Variants in WFDC11 observed in about 807,000 individuals in gnomAD.
WFDC11 encodes WAP four-disulfide core domain 11.
WFDC11 carries 9 observed loss-of-function variants against 9.9 expected under a neutral mutation model. The observed-to-expected ratio is 0.91, with a 90% confidence interval of 0.55 to 1.58. The LOEUF (loss-of-function observed/expected upper bound fraction) is 1.58. Among genes scored for constraint, WFDC11 ranks in the 40% most tolerant of loss-of-function variants. WFDC11 has a pLI of 0.00. For synonymous variants in WFDC11, 32 were observed against 33.3 expected (o/e 0.96, Z 0.13); for missense variants, 106 against 101.7 (o/e 1.04, Z -0.18).
At chr20:45,660,562 C>T (rs1247029424) in intron 2 of WFDC11, among the ~76,000 whole-genome samples, 3 of 152,116 alleles carry the variant, frequency 2.0e-5, no homozygotes, top group Non-Finnish European at 2.9e-5. Flanking sequence ...CTATCCCTCC[C>T]GCCTCTCCCC....
chr20:45,663,014 C>T (rs774190506), intron 2 of WFDC11, among the ~76,000 whole-genome samples: 2 of 152,140 alleles, frequency 1.3e-5, no homozygotes, highest in South Asian at 2.1e-4. Flanking sequence ...CCTCTTTGTA[C>T]CTCTGGTAGA....
intron 3 of WFDC11, among the ~76,000 whole-genome samples, chr20:45,649,617 C>G (rs1213266598): frequency 6.6e-6 from 1 of 152,212 alleles, no homozygotes; most frequent in Non-Finnish European, 1.5e-5. Context: ...GACTTCTTTT[C>G]CTTCTCGACC....
intron 1 of WFDC11, among the ~76,000 whole-genome samples, chr20:45,667,903 G>C (rs923987936): frequency 6.6e-6 from 1 of 152,338 alleles, no homozygotes; most frequent in Non-Finnish European, 1.5e-5. Flanking sequence ...GAATCACCCA[G>C]TTGGACACCA....
At chr20:45,657,984 A>G (rs1053619254) in intron 2 of WFDC11, among the ~76,000 whole-genome samples, 1 of 152,184 alleles carries the variant, frequency 6.6e-6, no homozygotes, top group South Asian at 2.1e-4. Flanking sequence ...ATAAATATAG[A>G]TTTTTTATAA....
At chr20:45,651,158 C>G (rs1191439070) in intron 2 of WFDC11, among the ~76,000 whole-genome samples, 1 of 152,194 alleles carries the variant, frequency 6.6e-6, no homozygotes, top group Non-Finnish European at 1.5e-5. Flanking sequence ...TAAGTGAGAA[C>G]ATGCAGTATT....
At chr20:45,665,470 C>G (rs1242654835) in intron 2 of WFDC11, among the ~76,000 whole-genome samples, 2 of 152,208 alleles carry the variant, frequency 1.3e-5, no homozygotes, top group Admixed American at 1.3e-4. Flanking sequence ...TGCCGAGGAG[C>G]TGCGATCATT....
chr20:45,660,539 A>G (rs963806366), intron 2 of WFDC11, among the ~76,000 whole-genome samples: 2 of 152,118 alleles, frequency 1.3e-5, no homozygotes, highest in Admixed American at 6.6e-5. Context: ...AGCATTAGGT[A>G]TATCTCCCAA....
intron 3 of WFDC11, 29 bp from the exon 4 acceptor site, chr20:45,649,428 T>A (rs1982754410): frequency 1.2e-6 from 2 of 1,610,244 alleles, no homozygotes; most frequent in South Asian, 2.2e-5. Context: ...GGTCAAAGGT[T>A]GATGGTATGT....
chr20:45,650,445 G>T, intron 3 of WFDC11, 56 bp downstream of exon 3: 1 of 1,448,110 alleles, frequency 6.9e-7, no homozygotes, highest in South Asian at 1.2e-5. Flanking sequence ...CCCCTCCCTT[G>T]TTCAGAAACA....
At position 45,661,454 on chromosome 20, in the gene WFDC11, G is replaced by T. The variant is rs577348077; in HGVS notation, c.-52+5634C>A. On this transcript the variant is annotated intron_variant, in intron 2 of 4. Coordinates refer to ENST00000324384, the MANE Select transcript of WFDC11 (RefSeq NM_147197.2). ...CCATTTGTCAATTTTGGCTTTTGTT[G>T]CCATTGCTTTTGGCGTTTTAGACAT... Among the ~76,000 whole-genome samples, 157 of 152,078 alleles carry T rather than the reference G, an allele frequency of 1.0e-3. 1 individual carries two copies. Among genetic ancestry groups the T allele is most frequent in the African/African-American group, 3.2e-3 (132 of 41,508 alleles).
At chr20:45,667,734 T>G (rs1004623093) in intron 1 of WFDC11, among the ~76,000 whole-genome samples, 2 of 152,230 alleles carry the variant, frequency 1.3e-5, no homozygotes, top group Non-Finnish European at 2.9e-5. Flanking sequence ...CTCAATTTCC[T>G]CATTTTTAAA....
At chr20:45,660,750 C>G (rs983537243) in intron 2 of WFDC11, among the ~76,000 whole-genome samples, 2 of 152,140 alleles carry the variant, frequency 1.3e-5, no homozygotes, top group African/African-American at 2.4e-5. Flanking sequence ...ATGAACTCAC[C>G]ATTTTTTATG....
Position 45,649,362 on chromosome 20 carries a change from T to C in WFDC11, c.138A>G (p.Pro46=). 1 of 1,614,196 alleles carries C rather than the reference T, an allele frequency of 6.2e-7. No individual in the cohort carries two copies. Among genetic ancestry groups the C allele is most frequent in the South Asian group, 1.1e-5 (1 of 91,084 alleles). The part of the protein sequence containing the change: ...ELLLEECWGK[P]NVKECTNKCS... Reference sequence around the variant, plus strand: ...ACTTATTGGTACATTCTTTGACATTTGGCTTTCCCCAGCATTCTTCAAGTA... The same window carrying C: ...ACTTATTGGTACATTCTTTGACATTCGGCTTTCCCCAGCATTCTTCAAGTA... The change falls in exon 4 of 5, where the codon CCA becomes CCG. Residue 46 remains proline, a synonymous_variant. Transcript: ENST00000324384.
intron 1 of WFDC11, among the ~76,000 whole-genome samples, chr20:45,669,535 C>A (rs1454201431): frequency 6.6e-6 from 1 of 152,166 alleles, no homozygotes; most frequent in Non-Finnish European, 1.5e-5. Context: ...CACACACTTA[C>A]ATGTGCTTGT....
At chr20:45,656,559 T>A (rs2145618658) in intron 2 of WFDC11, among the ~76,000 whole-genome samples, 1 of 152,166 alleles carries the variant, frequency 6.6e-6, no homozygotes, top group Non-Finnish European at 1.5e-5. Flanking sequence ...CCAAAAGCAA[T>A]GGCAACAAAA....
chr20:45,654,405 C>G (rs556951507), intron 2 of WFDC11, among the ~76,000 whole-genome samples: 1 of 152,086 alleles, frequency 6.6e-6, no homozygotes, highest in Admixed American at 6.6e-5. Flanking sequence ...CACAACATAC[C>G]AGAATCTCTG....
intron 2 of WFDC11, among the ~76,000 whole-genome samples, chr20:45,662,651 G>A (rs1983096293): frequency 6.6e-6 from 1 of 152,304 alleles, no homozygotes; most frequent in East Asian, 1.9e-4. Context: ...TTTTGTCAAA[G>A]GCCTTTTCTG....
rs145635000 is a variant in WFDC11, at chr20:45,651,613, G to A, written c.-51-962C>T. Among the ~76,000 whole-genome samples, 548 of 152,294 alleles carry A rather than the reference G, an allele frequency of 3.6e-3. 4 individuals carry two copies. The highest frequency in any genetic ancestry group is 0.011 in the African/African-American group (457 of 41,566). The stretch of plus-strand genomic sequence containing the variant: ...TGTCAGAAAGTGGGTGCAGCACACC[G>A]AGCATGAGCCAAAGCAGGGCAAGGC... On this transcript the variant is annotated intron_variant, in intron 2 of 4. Transcript: ENST00000324384.
intron 2 of WFDC11, among the ~76,000 whole-genome samples, chr20:45,665,566 G>A (rs1983170449): frequency 1.3e-5 from 2 of 152,134 alleles, no homozygotes; most frequent in Admixed American, 6.5e-5. Flanking sequence ...ATCTACCTTT[G>A]GTCTTTGATG....
Sources: gnomAD v4.1 joint callset for allele counts (sites outside exome capture counted in the v4.1 genomes callset) on GRCh38, gnomAD v4.1.1 for gene constraint, MANE v1.5 for transcripts, NCBI Gene and HGNC (gene_info 2026-07-23, HGNC 2026-07-21) for gene names.